The following GRIN2B variants were observed in gnomAD, a reference collection of about 807,000 sequenced individuals.
The protein encoded by GRIN2B is glutamate ionotropic receptor NMDA type subunit 2B.
In GRIN2B, 5 loss-of-function variants were observed where a neutral mutation model predicts 114.5. The ratio of observed to expected loss-of-function variants is 0.04; its 90% CI spans 0.02 to 0.09. GRIN2B has a LOEUF of 0.09. GRIN2B is among the 10% of genes least tolerant of loss of function. The pLI is 1.00. For missense variants in GRIN2B, 1,108 were observed against 1,943.5 expected, an observed-to-expected ratio of 0.57 and a Z score of 8.08; for synonymous variants, 787 against 745.1, an observed-to-expected ratio of 1.06 and a Z score of -0.92.
At chr12:13,852,277 G>A (rs762784804) in intron 3 of GRIN2B, among the ~76,000 whole-genome samples, 15 of 152,172 alleles carry the variant, frequency 9.9e-5, no homozygotes, top group Non-Finnish European at 1.8e-4. Flanking sequence ...ACTTTGGGAA[G>A]GGAGGAAATG....
chr12:13,785,211 C>A (rs1260537615), intron 3 of GRIN2B, among the ~76,000 whole-genome samples: 2 of 152,172 alleles, frequency 1.3e-5, no homozygotes, highest in Admixed American at 6.5e-5. Context: ...TCATTTATTT[C>A]TTAATTTTTC....
chr12:13,643,916 T>A (rs1949741108), intron 5 of GRIN2B, among the ~76,000 whole-genome samples: 1 of 152,176 alleles, frequency 6.6e-6, no homozygotes, highest in African/African-American at 2.4e-5. Flanking sequence ...GATCTCATAC[T>A]GTTTCCACCA....
intron 3 of GRIN2B, among the ~76,000 whole-genome samples, chr12:13,839,377 T>C (rs2136712886): frequency 6.6e-6 from 1 of 152,298 alleles, no homozygotes; most frequent in African/African-American, 2.4e-5. Context: ...GGCTAGAATA[T>C]TTTCCAGTTG....
At chr12:13,881,762 A>G (rs80181163) in intron 2 of GRIN2B, among the ~76,000 whole-genome samples, 1 of 152,162 alleles carries the variant, frequency 6.6e-6, no homozygotes, top group East Asian at 1.9e-4. Context: ...TTCTACATCA[A>G]AATATCTCCA....
chr12:13,567,615 G>A (rs1386356197), intron 12 of GRIN2B, among the ~76,000 whole-genome samples: 1 of 152,156 alleles, frequency 6.6e-6, no homozygotes, highest in Non-Finnish European at 1.5e-5. Context: ...CCAAATTGGT[G>A]ACAGTAATTC....
intron 2 of GRIN2B, among the ~76,000 whole-genome samples, chr12:13,928,138 C>G (rs996103496): frequency 2.0e-5 from 3 of 151,558 alleles, no homozygotes; most frequent in African/African-American, 7.3e-5. Flanking sequence ...TGGTGAAACC[C>G]TGTCCCTACT....
chr12:13,714,734 A>AT (rs1950441207), intron 4 of GRIN2B, among the ~76,000 whole-genome samples: 2 of 151,762 alleles, frequency 1.3e-5, no homozygotes, highest in Non-Finnish European at 1.5e-5. Flanking sequence ...AAATCACCTA[A>AT]TTTTTTTATT....
chr12:13,856,116 C>T (rs764754676), intron 3 of GRIN2B, among the ~76,000 whole-genome samples: 1 of 152,126 alleles, frequency 6.6e-6, no homozygotes, highest in East Asian at 1.9e-4. Flanking sequence ...ACAGAAGAAA[C>T]GCCATGAATT....
At chr12:13,748,094 G>A (rs1320818931) in intron 4 of GRIN2B, among the ~76,000 whole-genome samples, 1 of 152,134 alleles carries the variant, frequency 6.6e-6, no homozygotes, top group African/African-American at 2.4e-5. Flanking sequence ...GGCTGGGCCA[G>A]GACGATCCAG....
intron 3 of GRIN2B, among the ~76,000 whole-genome samples, chr12:13,791,727 A>G (rs1864325355): frequency 6.6e-6 from 1 of 152,204 alleles, no homozygotes; most frequent in Non-Finnish European, 1.5e-5. Context: ...TTTTAAGGGT[A>G]CAGGTGATAC....
intron 2 of GRIN2B, among the ~76,000 whole-genome samples, chr12:13,972,068 T>G (rs1018048697): frequency 1.2e-4 from 18 of 152,176 alleles, no homozygotes; most frequent in Admixed American, 2.6e-4. Context: ...GCCTTGTCAA[T>G]CATCTTGCCC....
intron 4 of GRIN2B, among the ~76,000 whole-genome samples, chr12:13,724,904 A>T (rs1187703941): frequency 6.6e-6 from 1 of 152,126 alleles, no homozygotes; most frequent in Non-Finnish European, 1.5e-5. Context: ...ACCTCCAAAA[A>T]TTATTGCCAG....
Position 13,879,159 on chromosome 12 carries a change from G to A in GRIN2B, c.-18-12933C>T, listed in dbSNP as rs149796900. Among the ~76,000 whole-genome samples the A allele has an allele frequency of 2.6e-5, 4 of 152,276 alleles. No individual in the cohort carries two copies. The East Asian group carries it at 7.7e-4, about 29-fold the overall frequency. On this transcript the variant is annotated intron_variant, in intron 2 of 13. Coordinates refer to ENST00000609686, the MANE Select transcript of GRIN2B (RefSeq NM_000834.5). ...TGTCCTAAGAAATGCATCATTAGGC[G>A]ACTTCATCATGGTGCAAACACTATG... is the stretch of plus-strand genomic sequence containing the variant.
At chr12:13,752,325 A>G (rs946871844) in intron 4 of GRIN2B, among the ~76,000 whole-genome samples, 3 of 152,334 alleles carry the variant, frequency 2.0e-5, no homozygotes, top group South Asian at 4.1e-4. Flanking sequence ...AAATCAAGCT[A>G]TTGAACAGCA....
At chr12:13,772,441 T>C (rs949809559) in intron 3 of GRIN2B, among the ~76,000 whole-genome samples, 6 of 152,194 alleles carry the variant, frequency 3.9e-5, no homozygotes, top group African/African-American at 1.4e-4. Context: ...CACCCACTTC[T>C]CACTCCCATT....
At chr12:13,767,371 T>C (rs1425364233) in intron 3 of GRIN2B, among the ~76,000 whole-genome samples, 2 of 152,140 alleles carry the variant, frequency 1.3e-5, no homozygotes, top group Non-Finnish European at 2.9e-5. Flanking sequence ...ACCTAAATGC[T>C]ATCAGTTCTC....
intron 4 of GRIN2B, among the ~76,000 whole-genome samples, chr12:13,696,854 G>T (rs1950264051): frequency 2.0e-5 from 3 of 152,072 alleles, no homozygotes; most frequent in Non-Finnish European, 2.9e-5. Flanking sequence ...CTTATTGTAG[G>T]CAAAGGGTTC....
chr12:13,720,157 A>T (rs1950494186), intron 4 of GRIN2B, among the ~76,000 whole-genome samples: 1 of 152,010 alleles, frequency 6.6e-6, no homozygotes, highest in East Asian at 1.9e-4. Flanking sequence ...TTAAAAAATA[A>T]GCTTCTCATG....
chr12:13,694,783 A>C (rs1005892102), intron 4 of GRIN2B, among the ~76,000 whole-genome samples: 6 of 150,030 alleles, frequency 4.0e-5, no homozygotes, highest in Non-Finnish European at 8.9e-5. Context: ...ATACATGGAA[A>C]TATGATGAGA....
Sources: allele counts gnomAD v4.1 joint callset (sites outside exome capture counted in the v4.1 genomes callset), GRCh38; gene constraint gnomAD v4.1.1; transcripts MANE v1.5; gene names NCBI Gene and HGNC (gene_info 2026-07-23, HGNC 2026-07-21).